The following PCDHA6 variants were observed in gnomAD, a reference collection of about 807,000 sequenced individuals.
PCDHA6 encodes the protein protocadherin alpha-6.
Under a neutral mutation model 60.3 loss-of-function variants are expected in PCDHA6, and 55 were observed. The ratio of observed to expected loss-of-function variants is 0.91; its 90% CI spans 0.73 to 1.14. The LOEUF is 1.14. Ranked by LOEUF, PCDHA6 falls within the 50% of genes most tolerant of loss-of-function variation. The probability of loss-of-function intolerance (pLI) is 0.00; values close to 1 mark genes in which losing one functional copy is unlikely to be tolerated. For missense variants in PCDHA6, 1,327 were observed against 1,256.5 expected (o/e 1.06, Z -0.85); for synonymous variants, 652 against 557.9 (o/e 1.17, Z -2.38).
At chr5:140,968,644 G>C (rs1554230935) in intron 1 of PCDHA6, 3 of 1,614,046 alleles carry the variant, frequency 1.9e-6, no homozygotes, top group African/African-American at 2.7e-5. Context: ...ATCTAGCCCA[G>C]ACTTCTGACC....
At chr5:140,873,823 G>T (rs2054513552) in intron 1 of PCDHA6, among the ~76,000 whole-genome samples, 1 of 152,076 alleles carries the variant, frequency 6.6e-6, no homozygotes, top group Non-Finnish European at 1.5e-5. Context: ...ACCACTCCTG[G>T]CTAATTTTTG....
intron 3 of PCDHA6, among the ~76,000 whole-genome samples, chr5:141,005,619 G>A (rs996010701): frequency 6.8e-5 from 10 of 146,082 alleles, no homozygotes; most frequent in South Asian, 2.2e-4. Flanking sequence ...GGAGAATGGC[G>A]TGAACCCGGG....
At chr5:140,968,569 C>A in intron 1 of PCDHA6, 1 of 1,614,204 alleles carries the variant, frequency 6.2e-7, no homozygotes, top group Middle Eastern at 1.7e-4. Flanking sequence ...CCCCTGCTGG[C>A]TACCTGGTCA....
chr5:140,892,595 AT>A (rs1385818954), intron 1 of PCDHA6, among the ~76,000 whole-genome samples: 1 of 151,958 alleles, frequency 6.6e-6, no homozygotes, highest in African/African-American at 2.4e-5. Flanking sequence ...TCATTCACCT[AT>A]TTTTTTCCTT....
chr5:140,926,811 C>T, intron 1 of PCDHA6: 3 of 1,464,260 alleles, frequency 2.0e-6, no homozygotes, highest in Admixed American at 5.2e-5. Flanking sequence ...CCCCGCGGCT[C>T]GTGCTCTCCA....
chr5:140,842,750 G>A, intron 1 of PCDHA6: 1 of 1,595,036 alleles, frequency 6.3e-7, no homozygotes, highest in Non-Finnish European at 8.6e-7. Context: ...CATCTTCACG[G>A]TGTCTGCGCG....
At chr5:140,967,909 C>A in intron 1 of PCDHA6, 1 of 1,614,206 alleles carries the variant, frequency 6.2e-7, no homozygotes, top group Non-Finnish European at 8.5e-7. Flanking sequence ...CTACACCCAA[C>A]ACCATTGTGG....
chr5:140,915,606 C>A (rs2077190807), intron 1 of PCDHA6, among the ~76,000 whole-genome samples: 1 of 150,452 alleles, frequency 6.6e-6, no homozygotes, highest in African/African-American at 2.5e-5. Context: ...CCCTTACTTT[C>A]TGTCAAACAG....
In PCDHA6 at chr5:140,837,849, AT is replaced by A. The variant is rs2150280154; in HGVS notation, c.2394+7368del. On this transcript the variant is annotated intron_variant, in intron 1 of 3. Coordinates refer to ENST00000529310, the MANE Select transcript of PCDHA6 (RefSeq NM_018909.4). The stretch of plus-strand genomic sequence containing the variant: ...CATGTCATTGTGCCTGGCTAATTTT[AT>A]TTTATTTTTGTAGAGACAGGGTGGA... Among the ~76,000 whole-genome samples the A allele has an allele frequency of 1.1e-3, 172 of 150,974 alleles. 2 individuals are homozygous for A. Among genetic ancestry groups the A allele is most frequent in the African/African-American group, 4.1e-3 (169 of 41,040 alleles).
At chr5:140,883,003 C>A in intron 1 of PCDHA6, 5 of 1,614,050 alleles carry the variant, frequency 3.1e-6, no homozygotes, top group Non-Finnish European at 4.2e-6. Flanking sequence ...TTTACCAATC[C>A]GTTTATAAAG....
In PCDHA6 at chr5:140,869,379, C is replaced by G. The variant is rs1554162987; in HGVS notation, c.2394+38894C>G. The G allele has an allele frequency of 1.9e-6, 3 of 1,614,122 alleles. No individual in the cohort carries two copies. The South Asian group carries it at 3.3e-5, about 18-fold the overall frequency. ...TGTTTGTGAATTCTCGGATCGACCG[C>G]GAGGAGCTGTGCGGGCAGAGCGCGG... On this transcript the variant is annotated intron_variant, in intron 1 of 3. Coordinates refer to ENST00000529310, the MANE Select transcript of PCDHA6 (RefSeq NM_018909.4).
At chr5:140,968,322 C>T (rs782755782) in intron 1 of PCDHA6, 9 of 1,614,122 alleles carry the variant, frequency 5.6e-6, no homozygotes, top group Non-Finnish European at 6.8e-6. Context: ...CTGCCAGTCA[C>T]CTCCTATGTC....
intron 1 of PCDHA6, chr5:140,883,057 G>A (rs781846985): frequency 1.2e-6 from 2 of 1,614,006 alleles, no homozygotes; most frequent in South Asian, 1.1e-5. Flanking sequence ...TAGTGATCAA[G>A]CTAAATGCCA....
rs1770548782 is a variant in PCDHA6 at position 140,829,762 on chromosome 5, C to G, written c.1671C>G (p.Asp557Glu). 1 of 1,613,752 alleles carries G rather than the reference C, an allele frequency of 6.2e-7. No homozygotes were observed. Among genetic ancestry groups the G allele is most frequent in the Non-Finnish European group, 8.5e-7 (1 of 1,179,878 alleles). ...TGACGCTGCAGGTGTTCGTGCTGGA[C>G]GAGAACGACAACGCGCCGGCGCTGC... Reference protein sequence around the residue: ...SNVTLQVFVLDENDNAPALLA... With the variant: ...SNVTLQVFVLEENDNAPALLA... The change falls in exon 1 of 4, where the codon GAC becomes GAG. Residue 557 changes from aspartate (D) to glutamate (E), a missense_variant. Physicochemically the swap from Asp to Glu is conservative, Grantham distance 45. Coordinates refer to ENST00000529310, the MANE Select transcript of PCDHA6 (RefSeq NM_018909.4).
intron 3 of PCDHA6, among the ~76,000 whole-genome samples, chr5:140,997,970 G>A (rs2097791868): frequency 2.0e-5 from 3 of 152,106 alleles, no homozygotes; most frequent in Admixed American, 2.0e-4. Context: ...ACCTGTGGTT[G>A]GACTGCACTT....
At position 140,963,599 on chromosome 5, in the gene PCDHA6, C is replaced by T. The variant is rs968307291; in HGVS notation, c.2395-15350C>T. On this transcript the variant is annotated intron_variant, in intron 1 of 3. Coordinates refer to ENST00000529310, the MANE Select transcript of PCDHA6 (RefSeq NM_018909.4). ...TCAAAATGTAGGATATAGTTCTAGA[C>T]GTAATTGGGAAAGCTTAACTTTGTT... Among the ~76,000 whole-genome samples, 9 of 152,254 alleles carry T rather than the reference C, an allele frequency of 5.9e-5. No individual in the cohort carries two copies. The South Asian group carries it at 1.0e-3, about 18-fold the overall frequency.
intron 1 of PCDHA6, chr5:140,882,420 A>G: frequency 1.2e-6 from 2 of 1,614,046 alleles, no homozygotes; most frequent in Non-Finnish European, 1.7e-6. Flanking sequence ...ATCGCTCAGG[A>G]CCTGGGGCTG....
chr5:140,851,798 T>C lies in PCDHA6; in HGVS notation c.2394+21313T>C. On this transcript the variant is annotated intron_variant, in intron 1 of 3. Coordinates refer to ENST00000529310, the MANE Select transcript of PCDHA6 (RefSeq NM_018909.4). ...TTTAGATGAGAATTCACTTGTTCTGTCAGTAATCCATAAGACAGAAATCTG... is the reference window on the plus strand; with the variant it reads ...TTTAGATGAGAATTCACTTGTTCTGCCAGTAATCCATAAGACAGAAATCTG... 3 of 953,066 alleles carry C rather than the reference T, an allele frequency of 3.1e-6. No individual in the cohort carries two copies. The South Asian group carries it at 1.5e-4, about 46-fold the overall frequency. 59.0% of individuals were successfully genotyped at this position (953,066 alleles called of 1,614,324 possible). A position where few individuals can be genotyped will look rare whatever the true frequency, so the allele number is the denominator to read the frequency against.
At chr5:140,871,246 C>T (rs782203109) in intron 1 of PCDHA6, 2 of 1,613,982 alleles carry the variant, frequency 1.2e-6, no homozygotes, top group Non-Finnish European at 1.7e-6. Context: ...ACTCACGCTG[C>T]TGCTGTATAC....
Sources: gnomAD v4.1 joint callset for allele counts (sites outside exome capture counted in the v4.1 genomes callset) on GRCh38, gnomAD v4.1.1 for gene constraint, MANE v1.5 for transcripts, NCBI Gene and HGNC (gene_info 2026-07-23, HGNC 2026-07-21) for gene names.